The following NHS variants were observed in gnomAD, a reference collection of about 807,000 sequenced individuals.
The protein encoded by NHS is actin remodeling regulator NHS.
NHS carries 5 observed loss-of-function variants against 72.5 expected under a neutral mutation model. The ratio of observed to expected loss-of-function variants is 0.07; its 90% CI spans 0.04 to 0.14. The LOEUF (loss-of-function observed/expected upper bound fraction) is 0.14. NHS is among the 10% of genes least tolerant of loss of function. The pLI is 1.00. For missense variants in NHS, 1,072 were observed against 1,355.7 expected, an observed-to-expected ratio of 0.79 and a Z score of 3.29; for synonymous variants, 464 against 547.7, an observed-to-expected ratio of 0.85 and a Z score of 2.13.
At chrX:17,443,057 G>C (rs2064763525) in intron 1 of NHS, among the ~76,000 whole-genome samples, 2 of 112,059 alleles carry the variant, frequency 1.8e-5, no homozygotes, top group Non-Finnish European at 3.8e-5. Flanking sequence ...ATAGGCCTCA[G>C]ACCACAGGAT....
chrX:17,376,723 A>G (rs1449173457), intron 1 of NHS, among the ~76,000 whole-genome samples: 3 of 112,390 alleles, frequency 2.7e-5, no homozygotes, highest in African/African-American at 9.7e-5. Context: ...TGGTTTCCAG[A>G]AGCCCAGCCC....
rs1424510103 is a variant in NHS at position 17,726,609 on chromosome X, C to G, written c.2503C>G (p.Gln835Glu). Residue 835 changes from glutamine (Q) to glutamate (E), a missense_variant, in exon 7 of 9, where the codon CAG (glutamine) becomes GAG (glutamate). Gln to Glu is a conservative substitution (Grantham distance 29). Transcript: ENST00000676302. ...AWQDYLDHKR[Q>E]GRPSISFRKP... is the part of the protein sequence containing the mutation. ...GCAGGACTACTTAGACCACAAGAGG[C>G]AGGGAAGACCAAGCATCTCTTTCAG... 1.7e-6 allele frequency: 2 copies of G among 1,211,905 alleles called. No individual in the cohort carries two copies. The highest frequency in any genetic ancestry group is 3.5e-5 in the South Asian group (2 of 56,979).
chrX:17,415,087 GCA>G (rs1036914883), intron 1 of NHS, among the ~76,000 whole-genome samples: 1 of 111,285 alleles, frequency 9.0e-6, no homozygotes, highest in Non-Finnish European at 1.9e-5. Context: ...GGACAGCTGA[GCA>G]GATGACAAGT....
intron 1 of NHS, among the ~76,000 whole-genome samples, chrX:17,565,330 C>G (rs750851415): frequency 8.9e-6 from 1 of 111,991 alleles, no homozygotes; most frequent in African/African-American, 3.3e-5. Context: ...CCAGCCAAAT[C>G]CAGTCAAATG....
chrX:17,698,875 A>C (rs2066246457), intron 3 of NHS, among the ~76,000 whole-genome samples: 1 of 111,175 alleles, frequency 9.0e-6, no homozygotes, highest in Admixed American at 9.6e-5. Context: ...GCTAAGCCTT[A>C]AACAAAATTC....
intron 1 of NHS, among the ~76,000 whole-genome samples, chrX:17,501,489 CTT>C (rs890741257): frequency 5.4e-5 from 6 of 111,644 alleles, no homozygotes; most frequent in Non-Finnish European, 1.1e-4. Context: ...AGTCCCAACA[CTT>C]TGGGAGGCAG....
chrX:17,637,309 C>G (rs1016314110), intron 1 of NHS, among the ~76,000 whole-genome samples: 3 of 111,905 alleles, frequency 2.7e-5, no homozygotes, highest in Admixed American at 9.5e-5. Context: ...GATGAGAAAG[C>G]CTTTAGAATA....
chrX:17,384,947 C>A lies in NHS; in HGVS notation c.565+8625C>A, dbSNP rs901778800. 1.8e-4 allele frequency among the ~76,000 whole-genome samples: 20 copies of A among 111,725 alleles called. 1 individual carries two copies. On this transcript the variant is annotated intron_variant, in intron 1 of 8. Coordinates refer to ENST00000676302, the MANE Select transcript of NHS (RefSeq NM_001291867.2). ...ACAAACAATCACAAAAATTCCTGAA[C>A]GTTTTTCTTGCATCAAGAATTCTTC...
intron 3 of NHS, among the ~76,000 whole-genome samples, chrX:17,714,751 T>A (rs965684089): frequency 8.9e-6 from 1 of 112,214 alleles, no homozygotes; most frequent in Non-Finnish European, 1.9e-5. Context: ...TGTGGAAGAA[T>A]AATTTAGTTC....
At chrX:17,634,670 T>C (rs1209086750) in intron 1 of NHS, among the ~76,000 whole-genome samples, 5 of 96,169 alleles carry the variant, frequency 5.2e-5, no homozygotes, top group Non-Finnish European at 6.0e-5. Flanking sequence ...CTATTACTGC[T>C]GTTATCAGCA....
intron 6 of NHS, among the ~76,000 whole-genome samples, chrX:17,724,661 G>A (rs773725118): frequency 8.9e-6 from 1 of 112,284 alleles, no homozygotes; most frequent in East Asian, 2.8e-4. Flanking sequence ...CGGCTGAAAT[G>A]TAATACTTAG....
chrX:17,419,157 C>T (rs772368168), intron 1 of NHS, among the ~76,000 whole-genome samples: 1 of 112,534 alleles, frequency 8.9e-6, no homozygotes, highest in South Asian at 3.7e-4. Context: ...AGAATTTTCC[C>T]TTTTTGGTAT....
At chrX:17,518,480 TG>T (rs2065131682) in intron 1 of NHS, among the ~76,000 whole-genome samples, 1 of 111,882 alleles carries the variant, frequency 8.9e-6, no homozygotes, top group Non-Finnish European at 1.9e-5. Flanking sequence ...CCCCTCCAGT[TG>T]ATCTACCAGA....
chrX:17,392,658 C>G (rs771819280), intron 1 of NHS, among the ~76,000 whole-genome samples: 7 of 112,184 alleles, frequency 6.2e-5, no homozygotes, highest in Non-Finnish European at 1.3e-4. Context: ...CTGCCTCTCT[C>G]CCTTTCTCTC....
chrX:17,562,219 G>C (rs56284161), intron 1 of NHS, among the ~76,000 whole-genome samples: 6 of 111,534 alleles, frequency 5.4e-5, no homozygotes, highest in African/African-American at 1.6e-4. Context: ...AGGGGGTTAG[G>C]AAAGGCAATG....
Position 17,550,495 on chromosome X carries a change from G to A in NHS, c.566-137247G>A, listed in dbSNP as rs561670329. Among the ~76,000 whole-genome samples, 4 of 112,254 alleles carry A rather than the reference G, an allele frequency of 3.6e-5. No individual in the cohort carries two copies. The Middle Eastern group carries it at 0.014, about 390-fold the overall frequency. Reference sequence around the variant, plus strand: ...GGGTGGCCATTGGACACCAATGTCAGGGGCTGGTCTGCTGGCCTGGGGCTG... The same window carrying A: ...GGGTGGCCATTGGACACCAATGTCAAGGGCTGGTCTGCTGGCCTGGGGCTG... On this transcript the variant is annotated intron_variant, in intron 1 of 8. Coordinates refer to ENST00000676302, the MANE Select transcript of NHS (RefSeq NM_001291867.2).
intron 1 of NHS, among the ~76,000 whole-genome samples, chrX:17,589,583 A>G (rs2065592846): frequency 9.0e-6 from 1 of 111,464 alleles, no homozygotes; most frequent in Admixed American, 9.6e-5. Flanking sequence ...CCACTCGTTG[A>G]CTGATGGACA....
In NHS at chrX:17,375,660, C is replaced by G. The variant is rs904173173; in HGVS notation, c.-98C>G. The G allele has an allele frequency of 8.3e-6, 8 of 959,158 alleles. No individual in the cohort carries two copies. The highest frequency in any genetic ancestry group is 1.1e-5 in the Non-Finnish European group (8 of 702,285). 79.0% of individuals were successfully genotyped at this position (959,158 alleles called of 1,213,427 possible). A position where few individuals can be genotyped will look rare whatever the true frequency, so the allele number is the denominator to read the frequency against. Reference sequence around the variant, plus strand: ...CCGGACTGCCAGATCGCGCTTTTGCCGGACTCCTGCCCCCTCCCTGCTCAG... The same window carrying G: ...CCGGACTGCCAGATCGCGCTTTTGCGGGACTCCTGCCCCCTCCCTGCTCAG... On this transcript the variant is annotated 5_prime_UTR_variant, in exon 1 of 9. Transcript: ENST00000676302.
chrX:17,664,479 G>C (rs762033107), intron 1 of NHS, among the ~76,000 whole-genome samples: 2 of 112,056 alleles, frequency 1.8e-5, no homozygotes, highest in Admixed American at 9.4e-5. Context: ...CCATGGAATT[G>C]ACTTAACGCC....
Sources: gnomAD v4.1 joint callset for allele counts (sites outside exome capture counted in the v4.1 genomes callset) on GRCh38, gnomAD v4.1.1 for gene constraint, MANE v1.5 for transcripts, NCBI Gene and HGNC (gene_info 2026-07-23, HGNC 2026-07-21) for gene names.